Variants in ELMOD3 observed in about 807,000 individuals in gnomAD.
The protein encoded by ELMOD3 is ELMO domain containing 3.
ELMOD3 carries 36 observed loss-of-function variants against 47.4 expected under a neutral mutation model. The ratio of observed to expected loss-of-function variants is 0.76; its 90% confidence interval spans 0.58 to 1.00. The LOEUF is 1.00. Among genes scored for constraint, ELMOD3 ranks in the 50% least tolerant of loss-of-function variants. The pLI, the probability that ELMOD3 is intolerant of heterozygous loss-of-function variation, is 0.00. For synonymous variants in ELMOD3, 149 were observed against 183.5 expected (o/e 0.81, Z 1.52); for missense variants, 404 against 463.8 (o/e 0.87, Z 1.18).
At chr2:85,361,799 C>G (rs1322821760) in intron 4 of ELMOD3, among the ~76,000 whole-genome samples, 1 of 151,998 alleles carries the variant, frequency 6.6e-6, no homozygotes, top group African/African-American at 2.4e-5. Flanking sequence ...GGCCTGGTGG[C>G]AGGCGCCTGT....
chr2:85,369,632 C>A, intron 7 of ELMOD3, 107 bp from the exon 8 acceptor site: 1 of 1,162,672 alleles, frequency 8.6e-7, no homozygotes, highest in Non-Finnish European at 1.2e-6. Context: ...TGATGTTCAA[C>A]TGGAAGCCAG....
In ELMOD3 at chr2:85,391,139, G is replaced by C. The variant is rs142256137; in HGVS notation, c.*177G>C. 35 of 631,422 alleles carry C rather than the reference G, an allele frequency of 5.5e-5. No homozygotes were observed. Among genetic ancestry groups the C allele is most frequent in the Non-Finnish European group, 9.1e-5 (33 of 361,572 alleles). 39.1% of individuals were successfully genotyped at this position (631,422 alleles called of 1,614,324 possible). On this transcript the variant is annotated 3_prime_UTR_variant, in exon 14 of 14. Transcript: ENST00000409013. ...ACCCTCACCGGCATGGGACATGAGG[G>C]GCAGCTAGACTTCACCCCCTTCCCG... is the stretch of plus-strand genomic sequence containing the variant.
At chr2:85,363,293 C>A in intron 6 of ELMOD3, 127 bp downstream of exon 6, 4 of 630,104 alleles carry the variant, frequency 6.3e-6, no homozygotes, top group Non-Finnish European at 1.1e-5. Context: ...TGTATCAGTC[C>A]TTGGGGAAAA....
chr2:85,377,667 T>A (rs992823228), intron 11 of ELMOD3, among the ~76,000 whole-genome samples, 193 bp downstream of exon 11: 1 of 152,240 alleles, frequency 6.6e-6, no homozygotes, highest in African/African-American at 2.4e-5. Flanking sequence ...CTCAGAGCCT[T>A]GATTCCCTCA....
At chr2:85,360,266 CAAAA>C (rs753285939) in intron 4 of ELMOD3, among the ~76,000 whole-genome samples, 3 of 51,478 alleles carry the variant, frequency 5.8e-5, no homozygotes, top group Non-Finnish European at 1.0e-4. Flanking sequence ...AACTCCATCT[CAAAA>C]AAAAAAAAAA....
intron 11 of ELMOD3, among the ~76,000 whole-genome samples, chr2:85,387,817 T>A (rs1686046853): frequency 6.6e-6 from 1 of 152,194 alleles, no homozygotes; most frequent in Non-Finnish European, 1.5e-5. Context: ...CGTATAGTTA[T>A]ACTTAACAGT....
chr2:85,383,781 G>C (rs1203140652), intron 11 of ELMOD3, among the ~76,000 whole-genome samples: 5 of 152,184 alleles, frequency 3.3e-5, no homozygotes, highest in African/African-American at 1.2e-4. Flanking sequence ...CCTCCACTCA[G>C]AATCCCTCTG....
At chr2:85,363,996 G>A (rs1400301565) in intron 6 of ELMOD3, among the ~76,000 whole-genome samples, 1 of 152,080 alleles carries the variant, frequency 6.6e-6, no homozygotes, top group Non-Finnish European at 1.5e-5. Flanking sequence ...AGGTGTAGTG[G>A]TGTGTGCCTG....
In ELMOD3 at chr2:85,357,261, G is replaced by T. The variant is rs757963445; in HGVS notation, c.54+9G>T. On this transcript the variant is annotated intron_variant, in intron 4 of 13. Transcript: ENST00000409013. ...AATTAAGAGATGGACAGGTAAGCATGCACTCTTATTTGGGAAAGGTGGTGT... is the reference window on the plus strand; with the variant it reads ...AATTAAGAGATGGACAGGTAAGCATTCACTCTTATTTGGGAAAGGTGGTGT... 1.4e-5 allele frequency: 22 copies of T among 1,574,858 alleles called. No individual in the cohort carries two copies. Among genetic ancestry groups the T allele is most frequent in the Non-Finnish European group, 1.7e-5 (19 of 1,148,344 alleles).
Position 85,363,145 on chromosome 2 carries a change from G to A in ELMOD3, c.178G>A (p.Ala60Thr), listed in dbSNP as rs1684106851. The A allele has an allele frequency of 6.2e-7, 1 of 1,611,506 alleles. No individual in the cohort carries two copies. Among genetic ancestry groups the A allele is most frequent in the Non-Finnish European group, 8.5e-7 (1 of 1,177,706 alleles). ...HGILQALTTE[A>T]YEWEPRVVST... ...CATTCTCCAGGCTCTGACCACAGAA[G>A]CTTATGAATGGGAGCCACGTGGTAA... Residue 60 changes from alanine to threonine, a missense_variant, in exon 6 of 14, where the codon GCT becomes ACT. Transcript: ENST00000409013.
Position 85,391,010 on chromosome 2 carries a change from G to C in ELMOD3, c.*48G>C. On this transcript the variant is annotated 3_prime_UTR_variant, in exon 14 of 14. Transcript: ENST00000409013. Reference sequence around the variant, plus strand: ...AAAGGCTGAGCTGCAGGGGCTTTCAGGGGGTCAGTGGAGCCATGTCAGGAG... The same window carrying C: ...AAAGGCTGAGCTGCAGGGGCTTTCACGGGGTCAGTGGAGCCATGTCAGGAG... The C allele has an allele frequency of 6.6e-7, 1 of 1,514,094 alleles. No homozygotes were observed. The highest frequency in any genetic ancestry group is 8.9e-7 in the Non-Finnish European group (1 of 1,120,156). The allele number at this position is 1,514,094 out of a possible 1,614,324, so 93.8% of individuals were successfully genotyped here. A position where few individuals can be genotyped will look rare whatever the true frequency, so the allele number is the denominator to read the frequency against.
chr2:85,358,301 GAA>G (rs1346347276), intron 4 of ELMOD3, among the ~76,000 whole-genome samples: 136 of 148,004 alleles, frequency 9.2e-4, no homozygotes, highest in African/African-American at 3.3e-3. Context: ...AAAAAAAAAT[GAA>G]AAAAGAAATA....
At chr2:85,374,489 G>A (rs1300260153) in intron 10 of ELMOD3, among the ~76,000 whole-genome samples, 1 of 152,072 alleles carries the variant, frequency 6.6e-6, no homozygotes, top group South Asian at 2.1e-4. Context: ...CTACAGGCCT[G>A]TGCCACCACA....
intron 8 of ELMOD3, 151 bp from the exon 9 acceptor site, chr2:85,370,935 C>T: frequency 1.1e-6 from 1 of 872,804 alleles, no homozygotes; most frequent in Admixed American, 2.3e-5. Context: ...AGGTGCCTTG[C>T]AGCTTCTGCC....
At chr2:85,359,726 G>A (rs917948653) in intron 4 of ELMOD3, among the ~76,000 whole-genome samples, 5 of 152,028 alleles carry the variant, frequency 3.3e-5, no homozygotes, top group African/African-American at 7.3e-5. Context: ...CACGGTGCCT[G>A]GTGACGTTTT....
chr2:85,377,836 A>G (rs1477368413), intron 11 of ELMOD3, among the ~76,000 whole-genome samples: 1 of 152,242 alleles, frequency 6.6e-6, no homozygotes, highest in Non-Finnish European at 1.5e-5. Flanking sequence ...GAGTACACTG[A>G]ATAAATGAGA....
intron 5 of ELMOD3, among the ~76,000 whole-genome samples, chr2:85,362,772 G>C (rs1031649430): frequency 1.3e-5 from 2 of 152,094 alleles, no homozygotes; most frequent in African/African-American, 4.8e-5. Context: ...TACAAAACTA[G>C]CTGGGTGTGG....
intron 11 of ELMOD3, among the ~76,000 whole-genome samples, chr2:85,383,110 A>C (rs1246021024): frequency 5.3e-5 from 8 of 149,828 alleles, no homozygotes; most frequent in Non-Finnish European, 1.0e-4. Context: ...AACAAAATAA[A>C]CTTTAGATCT....
intron 11 of ELMOD3, among the ~76,000 whole-genome samples, chr2:85,388,655 C>G (rs535842558): frequency 6.6e-6 from 1 of 152,136 alleles, no homozygotes; most frequent in Non-Finnish European, 1.5e-5. Context: ...TCTGCAGTGA[C>G]AGAAGTGGTC....
Sources: gnomAD v4.1 joint callset for allele counts (sites outside exome capture counted in the v4.1 genomes callset) on GRCh38, gnomAD v4.1.1 for gene constraint, MANE v1.5 for transcripts, NCBI Gene and HGNC (gene_info 2026-07-23, HGNC 2026-07-21) for gene names.